Variants in CACNG4 observed in about 807,000 individuals in gnomAD.
The protein encoded by CACNG4 is voltage-dependent calcium channel gamma-4 subunit.
CACNG4 carries 8 observed loss-of-function variants against 22.9 expected under a neutral mutation model. The observed-to-expected ratio is 0.35, with a 90% CI of 0.21 to 0.63. CACNG4 has a LOEUF of 0.63. Among genes scored for constraint, CACNG4 ranks in the 30% least tolerant of loss-of-function variants. The pLI is 0.72. For synonymous variants in CACNG4, 188 were observed against 191.9 expected (o/e 0.98, Z 0.17); for missense variants, 357 against 455.4 (o/e 0.78, Z 1.97).
intron 1 of CACNG4, among the ~76,000 whole-genome samples, chr17:67,008,753 G>A (rs1004353319): frequency 2.0e-5 from 3 of 152,134 alleles, no homozygotes; most frequent in Non-Finnish European, 1.5e-5. Flanking sequence ...TTCGACACCA[G>A]CCTGGCCAAC....
At chr17:66,968,286 C>T (rs941994807) in intron 1 of CACNG4, among the ~76,000 whole-genome samples, 21 of 152,286 alleles carry the variant, frequency 1.4e-4, no homozygotes, top group African/African-American at 4.8e-4. Context: ...CCAGTGGAGC[C>T]CAGCTCTGAG....
intron 1 of CACNG4, among the ~76,000 whole-genome samples, chr17:66,983,143 T>A (rs1001865341): frequency 2.0e-5 from 3 of 152,156 alleles, no homozygotes; most frequent in East Asian, 3.9e-4. Flanking sequence ...AGCTATGACA[T>A]GAAAATCTCT....
At chr17:66,994,690 C>G (rs1029765592) in intron 1 of CACNG4, among the ~76,000 whole-genome samples, 1 of 152,234 alleles carries the variant, frequency 6.6e-6, no homozygotes, top group Admixed American at 6.5e-5. Flanking sequence ...GTTTTCTCCT[C>G]TGTGAAATGG....
intron 1 of CACNG4, among the ~76,000 whole-genome samples, chr17:66,994,652 C>G (rs2035362914): frequency 6.6e-6 from 1 of 152,226 alleles, no homozygotes; most frequent in South Asian, 2.1e-4. Context: ...TCCCGGCTTT[C>G]TCCAGTTGGT....
intron 1 of CACNG4, among the ~76,000 whole-genome samples, chr17:67,011,258 C>T (rs2035466194): frequency 6.6e-6 from 1 of 152,162 alleles, no homozygotes. Flanking sequence ...CTCTCCTCTT[C>T]TAGTGTTGCC....
In CACNG4 at chr17:67,033,088, AGGGGACGAGCC is replaced by A. The variant is rs1297803523; in HGVS notation, c.*2088_*2098del. 6.5e-6 allele frequency: 1 copy of A among 152,820 alleles called. No homozygotes were observed. 9.5% of individuals were successfully genotyped at this position (152,820 alleles called of 1,614,324 possible). A position where few individuals can be genotyped will look rare whatever the true frequency, so the allele number is the denominator to read the frequency against. On this transcript the variant is annotated 3_prime_UTR_variant, in exon 4 of 4. Transcript: ENST00000262138. Reference sequence around the variant, plus strand: ...TAGGGACCAAGAAAGAGTAGGAAGAAGGGGACGAGCCGGGAGCAAAACCACCTCAGACACCC... The same window carrying A: ...TAGGGACCAAGAAAGAGTAGGAAGAAGGGAGCAAAACCACCTCAGACACCC...
At chr17:67,008,446 G>A (rs1220526266) in intron 1 of CACNG4, among the ~76,000 whole-genome samples, 2 of 152,168 alleles carry the variant, frequency 1.3e-5, no homozygotes, top group African/African-American at 2.4e-5. Context: ...GGAGAATTGC[G>A]GGGAGCAGGG....
chr17:66,985,374 A>G lies in CACNG4; in HGVS notation c.220+20243A>G, dbSNP rs80127580. 6.5e-4 allele frequency among the ~76,000 whole-genome samples: 99 copies of G among 152,334 alleles called. 2 individuals are homozygous for G. In the East Asian group the frequency reaches 0.017, roughly 26 times the overall value. ...AGTTTTCTTCATAGCAGAGAATAAA[A>G]CAGACAGCAATTCAGTAATGAGTCT... is the stretch of plus-strand genomic sequence containing the variant. On this transcript the variant is annotated intron_variant, in intron 1 of 3. Transcript: ENST00000262138.
At position 67,027,300 on chromosome 17, in the gene CACNG4, GA is replaced by G. The variant is rs1326169956; in HGVS notation, c.445+2301del. The stretch of plus-strand genomic sequence containing the variant: ...CCCAGATGCTTGGTGCCACCAGAGG[GA>G]CTTGGAGCCTGGACCCAGAGCCCTA... On this transcript the variant is annotated intron_variant, in intron 3 of 3. Coordinates refer to ENST00000262138, the MANE Select transcript of CACNG4 (RefSeq NM_014405.4). The surrounding 1 kb of genome is among the most constrained non-coding windows in gnomAD (Gnocchi z 4.3). 6.6e-6 allele frequency among the ~76,000 whole-genome samples: 1 copy of G among 152,228 alleles called. No homozygotes were observed. Among genetic ancestry groups the G allele is most frequent in the Non-Finnish European group, 1.5e-5 (1 of 68,044 alleles).
chr17:66,988,606 G>T (rs552949318), intron 1 of CACNG4, among the ~76,000 whole-genome samples: 1 of 151,882 alleles, frequency 6.6e-6, no homozygotes, highest in African/African-American at 2.4e-5. Context: ...GTCACCAGTC[G>T]GTTGCAACAG....
intron 1 of CACNG4, among the ~76,000 whole-genome samples, chr17:67,008,424 G>A (rs1378512389): frequency 6.6e-6 from 1 of 152,136 alleles, no homozygotes; most frequent in Non-Finnish European, 1.5e-5. Context: ...AATTAAGAAG[G>A]GGACCTCTAA....
intron 1 of CACNG4, among the ~76,000 whole-genome samples, chr17:67,011,818 T>C (rs1046817146): frequency 2.6e-5 from 4 of 152,250 alleles, no homozygotes; most frequent in African/African-American, 9.6e-5. Flanking sequence ...TTCCTTTTTA[T>C]GCACAGTCGT....
chr17:66,970,022 C>T (rs573275924), intron 1 of CACNG4, among the ~76,000 whole-genome samples: 1 of 152,194 alleles, frequency 6.6e-6, no homozygotes. Flanking sequence ...CCCTGGACCC[C>T]CTTCGCCCTT....
rs375384748 is a variant in CACNG4, at chr17:67,030,797, G to A, written c.777G>A (p.Ser259=). 55 of 1,613,900 alleles carry A rather than the reference G, an allele frequency of 3.4e-5. No individual in the cohort carries two copies. The highest frequency in any genetic ancestry group is 2.7e-4 in the African/African-American group (20 of 74,876). The stretch of plus-strand genomic sequence containing the variant: ...AGGCCTCGCCCTCCAGGGACGTGTC[G>A]CCCATGGGCCTGAAGATCACAGGGG... ...STEASPSRDV[S]PMGLKITGAI... is the part of the protein sequence containing the mutation. The change falls in exon 4 of 4, where the codon TCG becomes TCA. Residue 259 remains serine, a synonymous_variant. Coordinates refer to ENST00000262138, the MANE Select transcript of CACNG4 (RefSeq NM_014405.4). This position sits in a 1 kb window ranked among gnomAD's most constrained non-coding sequence, Gnocchi z 6.4.
intron 1 of CACNG4, among the ~76,000 whole-genome samples, chr17:67,014,328 C>A (rs150070906): frequency 6.6e-6 from 1 of 152,146 alleles, no homozygotes; most frequent in Non-Finnish European, 1.5e-5. Flanking sequence ...CCTAGGCCAG[C>A]GCTAACGAAA....
intron 1 of CACNG4, among the ~76,000 whole-genome samples, chr17:66,971,102 T>C (rs551096131): frequency 6.6e-6 from 1 of 152,032 alleles, no homozygotes; most frequent in Non-Finnish European, 1.5e-5. Context: ...CATCTGAAAA[T>C]GGGGCCTGAC....
At chr17:66,974,895 C>T (rs756762112) in intron 1 of CACNG4, among the ~76,000 whole-genome samples, 60 of 152,086 alleles carry the variant, frequency 3.9e-4, no homozygotes, top group Non-Finnish European at 7.4e-4. Flanking sequence ...GATGGCTTTG[C>T]GGTGCATGGG....
chr17:66,985,099 C>A (rs528168273), intron 1 of CACNG4, among the ~76,000 whole-genome samples: 1 of 152,140 alleles, frequency 6.6e-6, no homozygotes, highest in Non-Finnish European at 1.5e-5. Flanking sequence ...CAGCTGTGAT[C>A]GGGAGATACT....
At chr17:66,999,022 T>C (rs536551038) in intron 1 of CACNG4, among the ~76,000 whole-genome samples, 69 of 152,162 alleles carry the variant, frequency 4.5e-4, no homozygotes, top group African/African-American at 1.6e-3. Context: ...GCAGAGTGGT[T>C]TAGGCTCTCA....
Sources: gnomAD v4.1 joint callset for allele counts (sites outside exome capture counted in the v4.1 genomes callset) on GRCh38, gnomAD v4.1.1 for gene constraint, Gnocchi (gnomAD v3.1) non-coding constraint, MANE v1.5 for transcripts, NCBI Gene and HGNC (gene_info 2026-07-23, HGNC 2026-07-21) for gene names.